Variants in CCNH observed in about 807,000 individuals in gnomAD.
CCNH encodes cyclin-H.
In CCNH, 31 loss-of-function variants were observed where a neutral mutation model predicts 41.9. That is an observed-to-expected ratio of 0.74 (90% CI 0.56 to 1.00). The LOEUF (loss-of-function observed/expected upper bound fraction) is 1.00. CCNH is among the 50% of genes least tolerant of loss of function. The pLI is 0.00. For missense variants in CCNH, 362 were observed against 388.4 expected (o/e 0.93, Z 0.57); for synonymous variants, 138 against 136.1 (o/e 1.01, Z -0.10).
At chr5:87,321,404 G>A (rs758503176) in intron 9 of CCNH, among the ~76,000 whole-genome samples, 25 of 152,056 alleles carry the variant, frequency 1.6e-4, no homozygotes, top group Non-Finnish European at 2.9e-4. Context: ...GATTCCCAAC[G>A]GCTGAGGGCT....
Position 87,331,184 on chromosome 5 carries a change from T to G in CCNH, c.*91-12287A>C, listed in dbSNP as rs771976110. ...CAAGTAAATGAGTATTTTTTGAGAC[T>G]GAGGTTAAATTGAGTTAAAATTGGA... On this transcript the variant is annotated intron_variant and NMD_transcript_variant, in intron 9 of 9. Transcript: ENST00000645953. The G allele has an allele frequency of 1.0e-5, 10 of 957,600 alleles. No individual in the cohort carries two copies. In the South Asian group the frequency reaches 1.1e-4, roughly 10 times the overall value. The allele number at this position is 957,600 out of a possible 1,614,324, so 59.3% of individuals were successfully genotyped here.
intron 9 of CCNH, among the ~76,000 whole-genome samples, chr5:87,360,803 A>G (rs976428391): frequency 6.6e-6 from 1 of 152,190 alleles, no homozygotes; most frequent in Non-Finnish European, 1.5e-5. Context: ...TGCCATCATG[A>G]TAAGAGTCTA....
At chr5:87,377,917 C>A (rs1761435919), upstream of CCNH, among the ~76,000 whole-genome samples, 1 of 152,116 alleles carries the variant, frequency 6.6e-6, no homozygotes, top group African/African-American at 2.4e-5. Flanking sequence ...TTGAGTTTAT[C>A]TTTTCTGACA....
intron 9 of CCNH, chr5:87,330,975 A>G (rs1175729565): frequency 2.8e-6 from 4 of 1,439,198 alleles, no homozygotes; most frequent in East Asian, 2.5e-5. Flanking sequence ...TCCTCAGTAT[A>G]AGATCGAGGT....
chr5:87,354,419 T>C (rs1294829276), intron 9 of CCNH, among the ~76,000 whole-genome samples: 2 of 152,170 alleles, frequency 1.3e-5, no homozygotes, highest in African/African-American at 2.4e-5. Flanking sequence ...TGTTGATCTG[T>C]GATCAGTGAT....
chr5:87,333,817 T>A (rs1757765511), intron 9 of CCNH, among the ~76,000 whole-genome samples: 1 of 152,178 alleles, frequency 6.6e-6, no homozygotes, highest in African/African-American at 2.4e-5. Flanking sequence ...GCTATTTAAT[T>A]TTCTAGTGGA....
chr5:87,318,724 A>G (rs1756536425), exon 10 of CCNH: 2 of 152,178 alleles, frequency 1.3e-5, no homozygotes, highest in African/African-American at 4.8e-5. Flanking sequence ...GGATGGGGGT[A>G]CAGAGCCAAA....
intron 9 of CCNH, among the ~76,000 whole-genome samples, chr5:87,367,157 C>T (rs1304830048): frequency 6.6e-6 from 1 of 151,918 alleles, no homozygotes; most frequent in Non-Finnish European, 1.5e-5. Context: ...AGACTGAATG[C>T]CAAGGCAAAT....
Position 87,399,431 on chromosome 5 carries a change from G to A in CCNH, c.835C>T (p.Arg279Ter), listed in dbSNP as rs775055673. ...AGTGCAAGCTCAGCAGAATGACATC[G>A]CTCCAACTTCTGTTTCAGAACAGCA... ...EVAVLKQKLE[R>*]CHSAELALNV... The change falls in exon 7 of 9, where the codon CGA (arginine) becomes TGA (stop). Residue 279 changes from arginine to a stop codon, truncating the protein, a stop_gained. Transcript: ENST00000256897. LOFTEE classifies it high-confidence loss of function. 21 of 1,613,570 alleles carry A rather than the reference G, an allele frequency of 1.3e-5. No homozygotes were observed. The highest frequency in any genetic ancestry group is 1.1e-4 in the South Asian group (10 of 91,078).
chr5:87,364,385 GA>G (rs960218113), intron 9 of CCNH, among the ~76,000 whole-genome samples: 1 of 152,074 alleles, frequency 6.6e-6, no homozygotes, highest in Admixed American at 6.6e-5. Flanking sequence ...ATAGGTTTGG[GA>G]AATGCTGATT....
chr5:87,337,913 C>G, intron 9 of CCNH: 1 of 1,483,824 alleles, frequency 6.7e-7, no homozygotes, highest in Non-Finnish European at 9.1e-7. Context: ...TGGTATATGA[C>G]TATTCTAATC....
the CCNH span, among the ~76,000 whole-genome samples, chr5:87,313,067 A>G: frequency 6.6e-6 from 1 of 152,184 alleles, no homozygotes; most frequent in Non-Finnish European, 1.5e-5. Context: ...CGTCTTACAA[A>G]TCATCTTTGA....
intron 9 of CCNH, among the ~76,000 whole-genome samples, chr5:87,335,956 C>T (rs1046214633): frequency 1.3e-5 from 2 of 152,132 alleles, no homozygotes; most frequent in African/African-American, 4.8e-5. Flanking sequence ...AAGTACCACT[C>T]GTTGAGTTTT....
intron 9 of CCNH, among the ~76,000 whole-genome samples, chr5:87,322,166 G>T (rs1756869535): frequency 6.6e-6 from 1 of 151,984 alleles, no homozygotes; most frequent in Non-Finnish European, 1.5e-5. Flanking sequence ...TTTAAAGCAG[G>T]GGTCCTCAAC....
At chr5:87,331,270 G>A in intron 9 of CCNH, 2 of 1,391,446 alleles carry the variant, frequency 1.4e-6, no homozygotes, top group Non-Finnish European at 2.0e-6. Context: ...AAAACCTCTA[G>A]TAGTATGTTT....
intron 9 of CCNH, among the ~76,000 whole-genome samples, chr5:87,358,952 C>T (rs929506257): frequency 7.3e-5 from 9 of 123,956 alleles, no homozygotes; most frequent in African/African-American, 2.7e-4. Context: ...TAGCAAATGA[C>T]ACTTTACCTA....
At chr5:87,348,677 G>T (rs1759038304) in intron 9 of CCNH, among the ~76,000 whole-genome samples, 1 of 149,584 alleles carries the variant, frequency 6.7e-6, no homozygotes, top group African/African-American at 2.5e-5. Flanking sequence ...TTGCTGTGTT[G>T]TCCAGGCTGG....
At chr5:87,328,385 G>A (rs1757386145) in intron 9 of CCNH, among the ~76,000 whole-genome samples, 1 of 151,994 alleles carries the variant, frequency 6.6e-6, no homozygotes, top group South Asian at 2.1e-4. Context: ...GATATAATAA[G>A]GCTTTGACTG....
intron 9 of CCNH, among the ~76,000 whole-genome samples, chr5:87,360,470 A>C (rs936452214): frequency 1.3e-5 from 2 of 152,174 alleles, no homozygotes; most frequent in African/African-American, 4.8e-5. Flanking sequence ...TACAGTGTCC[A>C]TTGCTCCATA....
Sources: allele counts gnomAD v4.1 joint callset (sites outside exome capture counted in the v4.1 genomes callset), GRCh38; gene constraint gnomAD v4.1.1; transcripts MANE v1.5; gene names NCBI Gene and HGNC (gene_info 2026-07-23, HGNC 2026-07-21).